The following LRP1B variants were observed in gnomAD, a reference collection of about 807,000 sequenced individuals.
The protein encoded by LRP1B is LDL receptor related protein 1B.
A neutral mutation model predicts 556.6 loss-of-function variants in LRP1B; 217 were observed. The ratio of observed to expected loss-of-function variants is 0.39; its 90% CI spans 0.35 to 0.44. LRP1B has a LOEUF of 0.44. Among genes scored for constraint, LRP1B ranks in the 20% least tolerant of loss-of-function variants. The probability of loss-of-function intolerance (pLI) is 1.00; values close to 1 mark genes in which losing one functional copy is unlikely to be tolerated. For missense variants in LRP1B, 5,053 were observed against 5,620.8 expected (o/e 0.90, Z 3.23); for synonymous variants, 2,047 against 1,865.8 (o/e 1.10, Z -2.50).
chr2:141,721,936 TA>T (rs1239768051), intron 2 of LRP1B, among the ~76,000 whole-genome samples: 1 of 152,222 alleles, frequency 6.6e-6, no homozygotes, highest in African/African-American at 2.4e-5. Flanking sequence ...CCTAGTAGGT[TA>T]AAACCCCATA....
chr2:141,821,177 T>C (rs570020434), intron 1 of LRP1B, among the ~76,000 whole-genome samples: 9 of 152,372 alleles, frequency 5.9e-5, no homozygotes, highest in East Asian at 1.9e-4. Context: ...TGAGCACTCT[T>C]CAGGCTTCTG....
chr2:141,374,392 G>A (rs1056526171), intron 3 of LRP1B, among the ~76,000 whole-genome samples: 8 of 152,028 alleles, frequency 5.3e-5, no homozygotes, highest in Non-Finnish European at 7.4e-5. Context: ...GGGGGTCACC[G>A]GGTCTCCTAT....
chr2:141,211,922 T>G (rs1053251229), intron 6 of LRP1B, among the ~76,000 whole-genome samples: 14 of 152,128 alleles, frequency 9.2e-5, no homozygotes, highest in African/African-American at 3.4e-4. Flanking sequence ...AGTAATTTTA[T>G]TAATCAACTT....
chr2:140,441,186 T>G (rs1686412992), intron 66 of LRP1B, among the ~76,000 whole-genome samples: 1 of 152,122 alleles, frequency 6.6e-6, no homozygotes. Flanking sequence ...AGTCAAATCA[T>G]GCTAACGTGA....
At chr2:142,070,361 C>T (rs1396797044) in intron 1 of LRP1B, among the ~76,000 whole-genome samples, 1 of 151,826 alleles carries the variant, frequency 6.6e-6, no homozygotes, top group Non-Finnish European at 1.5e-5. Flanking sequence ...GATAATGAAA[C>T]TGAGGCTTAG....
intron 2 of LRP1B, among the ~76,000 whole-genome samples, chr2:141,490,061 T>A (rs1197907022): frequency 1.3e-5 from 2 of 152,172 alleles, no homozygotes; most frequent in Non-Finnish European, 2.9e-5. Flanking sequence ...TAGCCATCTC[T>A]GACATCTAAT....
intron 20 of LRP1B, among the ~76,000 whole-genome samples, chr2:140,936,368 GA>G (rs1238711650): frequency 1.0e-4 from 10 of 96,480 alleles, no homozygotes; most frequent in Admixed American, 2.2e-4. Context: ...AAAAAGAAAG[GA>G]AAAAAGAAAA....
intron 3 of LRP1B, among the ~76,000 whole-genome samples, chr2:141,308,396 T>C (rs979243927): frequency 4.6e-5 from 7 of 152,210 alleles, no homozygotes; most frequent in African/African-American, 1.7e-4. Flanking sequence ...TGAATTGTGT[T>C]TTCTTACAAA....
At chr2:140,739,264 G>A (rs1274107851) in intron 35 of LRP1B, among the ~76,000 whole-genome samples, 1 of 152,050 alleles carries the variant, frequency 6.6e-6, no homozygotes, top group African/African-American at 2.4e-5. Context: ...AGAGATTTGG[G>A]GATTTGCAAA....
intron 35 of LRP1B, among the ~76,000 whole-genome samples, chr2:140,768,909 T>C (rs900207566): frequency 5.3e-5 from 8 of 151,930 alleles, no homozygotes; most frequent in Non-Finnish European, 5.9e-5. Context: ...TATTTATAAC[T>C]AGATAAAAGT....
At chr2:141,875,341 C>T (rs529434606) in intron 1 of LRP1B, among the ~76,000 whole-genome samples, 11 of 151,874 alleles carry the variant, frequency 7.2e-5, no homozygotes, top group Admixed American at 5.3e-4. Flanking sequence ...ATATTTTTGA[C>T]AAAGCTTGTT....
intron 1 of LRP1B, among the ~76,000 whole-genome samples, chr2:142,098,332 A>G (rs1839325): frequency 0.67 from 101,828 of 151,522 alleles, 34,371 homozygotes; most frequent in East Asian, 0.71. Context: ...AAATTCATTT[A>G]TAAATATTCA....
chr2:142,087,178 G>A (rs2104942610), intron 1 of LRP1B, among the ~76,000 whole-genome samples: 1 of 152,294 alleles, frequency 6.6e-6, no homozygotes, highest in Non-Finnish European at 1.5e-5. Context: ...CAGTGATTAT[G>A]AGAGTGTATA....
In LRP1B at chr2:141,472,013, A is replaced by T. The variant is rs72989039; in HGVS notation, c.343+8383T>A. Among the ~76,000 whole-genome samples, 842 of 152,262 alleles carry T rather than the reference A, an allele frequency of 5.5e-3. 11 individuals carry two copies. Among genetic ancestry groups the T allele is most frequent in the African/African-American group, 0.019 (789 of 41,556 alleles). On this transcript the variant is annotated intron_variant, in intron 3 of 90. Transcript: ENST00000389484. Reference sequence around the variant, plus strand: ...CATTAATATGTCTCTTCAACTGGGGAGAGATTACTTGTCCGAAGGAAGTTG... The same window carrying T: ...CATTAATATGTCTCTTCAACTGGGGTGAGATTACTTGTCCGAAGGAAGTTG...
At chr2:141,574,094 A>G (rs1686640642) in intron 2 of LRP1B, among the ~76,000 whole-genome samples, 1 of 152,196 alleles carries the variant, frequency 6.6e-6, no homozygotes, top group South Asian at 2.1e-4. Context: ...AACTCATTTT[A>G]TGAAGCCAGC....
At chr2:141,555,811 A>T (rs1382764805) in intron 2 of LRP1B, among the ~76,000 whole-genome samples, 1 of 151,910 alleles carries the variant, frequency 6.6e-6, no homozygotes, top group Admixed American at 6.6e-5. Context: ...TACAGATTAA[A>T]AGAGTCTTTG....
chr2:140,792,123 C>A (rs557488807), intron 32 of LRP1B, among the ~76,000 whole-genome samples: 2 of 152,304 alleles, frequency 1.3e-5, no homozygotes, highest in East Asian at 3.9e-4. Flanking sequence ...CGCTTTCCCA[C>A]AGTGGTCATC....
chr2:142,085,180 T>A (rs1705868870), intron 1 of LRP1B, among the ~76,000 whole-genome samples: 1 of 152,148 alleles, frequency 6.6e-6, no homozygotes, highest in African/African-American at 2.4e-5. Context: ...TCTCTCTACA[T>A]CCTCCCCATC....
intron 2 of LRP1B, among the ~76,000 whole-genome samples, chr2:141,730,384 C>T (rs535597772): frequency 6.6e-6 from 1 of 152,206 alleles, no homozygotes; most frequent in South Asian, 2.1e-4. Context: ...CTGAGACGTC[C>T]ACAGATTTGA....
Sources: gnomAD v4.1 joint callset for allele counts (sites outside exome capture counted in the v4.1 genomes callset) on GRCh38, gnomAD v4.1.1 for gene constraint, MANE v1.5 for transcripts, NCBI Gene and HGNC (gene_info 2026-07-23, HGNC 2026-07-21) for gene names.